RCOR1: variants seen among roughly 807,000 people sequenced by gnomAD.
RCOR1 encodes REST corepressor.
Under a neutral mutation model 64.0 loss-of-function variants are expected in RCOR1, and 12 were observed. The observed-to-expected ratio is 0.19, with a 90% CI of 0.12 to 0.30. The LOEUF is 0.30. RCOR1 is among the 10% of genes least tolerant of loss of function. RCOR1 has a pLI of 1.00. For synonymous variants in RCOR1, 279 were observed against 227.2 expected (o/e 1.23, Z -2.05); for missense variants, 502 against 621.2 (o/e 0.81, Z 2.04).
intron 2 of RCOR1, among the ~76,000 whole-genome samples, chr14:102,630,728 C>T (rs1243975644): frequency 1.3e-5 from 2 of 152,176 alleles, no homozygotes; most frequent in African/African-American, 4.8e-5. Context: ...TATTTCCCAG[C>T]TCCACTCACC....
At chr14:102,602,389 C>CTTTTTTTTTTTTTTTTTTTTTTTTTTTTT (rs1893420943) in intron 2 of RCOR1, among the ~76,000 whole-genome samples, 1 of 109,688 alleles carries the variant, frequency 9.1e-6, no homozygotes, top group Admixed American at 1.1e-4. Context: ...CTTTTCTTTT[C>CTTTTTTTTTTTTTTTTTTTTTTTTTTTTT]TTTTCTTTTT....
intron 2 of RCOR1, among the ~76,000 whole-genome samples, chr14:102,639,065 A>G (rs1032639409): frequency 1.3e-5 from 2 of 152,190 alleles, no homozygotes; most frequent in Admixed American, 6.5e-5. Flanking sequence ...CCATGGGAAC[A>G]TAAGTAGGAT....
chr14:102,677,083 C>T (rs1388322786), intron 2 of RCOR1, among the ~76,000 whole-genome samples: 1 of 128,302 alleles, frequency 7.8e-6, no homozygotes, highest in Non-Finnish European at 1.7e-5. Flanking sequence ...CAGAGGGGCT[C>T]CTCACTTCCC....
intron 4 of RCOR1, among the ~76,000 whole-genome samples, chr14:102,706,779 G>T (rs900738048): frequency 1.3e-5 from 2 of 151,650 alleles, no homozygotes; most frequent in Non-Finnish European, 2.9e-5. Flanking sequence ...TGCAGTGAGT[G>T]CCACTGCACT....
intron 2 of RCOR1, among the ~76,000 whole-genome samples, chr14:102,609,645 C>A (rs996507200): frequency 3.3e-5 from 5 of 150,988 alleles, no homozygotes; most frequent in Admixed American, 3.3e-4. Context: ...AGGGTTTCAC[C>A]GTGTTGGCCA....
intron 2 of RCOR1, among the ~76,000 whole-genome samples, chr14:102,671,984 G>T (rs750375179): frequency 1.6e-4 from 25 of 151,970 alleles, no homozygotes; most frequent in Non-Finnish European, 2.9e-4. Context: ...AGTGTTTCAA[G>T]TTTCATACTG....
intron 2 of RCOR1, among the ~76,000 whole-genome samples, chr14:102,618,356 G>A (rs113849784): frequency 2.6e-5 from 4 of 151,970 alleles, no homozygotes; most frequent in African/African-American, 9.7e-5. Flanking sequence ...TGTAATCCCA[G>A]CACTTAGGGA....
intron 2 of RCOR1, among the ~76,000 whole-genome samples, chr14:102,596,155 G>A (rs1447427819): frequency 1.3e-5 from 2 of 151,414 alleles, no homozygotes; most frequent in African/African-American, 4.9e-5. Flanking sequence ...ACGCTGGAGT[G>A]CAATGGCGTG....
At chr14:102,633,000 G>A (rs889492312) in intron 2 of RCOR1, among the ~76,000 whole-genome samples, 8 of 151,216 alleles carry the variant, frequency 5.3e-5, no homozygotes, top group South Asian at 2.1e-4. Context: ...TACAGATGGG[G>A]GTCTCACTGT....
intron 2 of RCOR1, among the ~76,000 whole-genome samples, chr14:102,610,079 G>A (rs1893594520): frequency 6.6e-6 from 1 of 151,158 alleles, no homozygotes; most frequent in Non-Finnish European, 1.5e-5. Context: ...GCAGTGAGCC[G>A]AGATTGCGCC....
At chr14:102,682,480 C>T (rs544003032) in intron 3 of RCOR1, among the ~76,000 whole-genome samples, 84 of 152,292 alleles carry the variant, frequency 5.5e-4, no homozygotes, top group African/African-American at 1.8e-3. Flanking sequence ...TAAAAATCTG[C>T]CTCCCTGTAA....
intron 2 of RCOR1, among the ~76,000 whole-genome samples, chr14:102,600,962 G>A (rs1428111835): frequency 1.3e-5 from 2 of 151,522 alleles, no homozygotes; most frequent in Non-Finnish European, 2.9e-5. Flanking sequence ...GGCCGAGGCA[G>A]GCGGATCACT....
chr14:102,685,967 G>C (rs1895409870), intron 3 of RCOR1, among the ~76,000 whole-genome samples: 1 of 151,856 alleles, frequency 6.6e-6, no homozygotes, highest in Admixed American at 6.6e-5. Context: ...GAATAATTTT[G>C]AATGTTCCTA....
At chr14:102,661,474 T>C (rs1894822350) in intron 2 of RCOR1, among the ~76,000 whole-genome samples, 1 of 152,238 alleles carries the variant, frequency 6.6e-6, no homozygotes, top group South Asian at 2.1e-4. Context: ...AACTACAGTA[T>C]GTCTATTCTC....
At chr14:102,642,141 C>T (rs1190336) in intron 2 of RCOR1, among the ~76,000 whole-genome samples, 95,131 of 151,932 alleles carry the variant, frequency 0.63, 30,873 homozygotes, top group South Asian at 0.72. Context: ...TCCCTTTACT[C>T]CTCGTGCCCC....
intron 2 of RCOR1, among the ~76,000 whole-genome samples, chr14:102,639,476 CTAAT>C (rs1445383644): frequency 6.7e-6 from 1 of 149,094 alleles, no homozygotes; most frequent in African/African-American, 2.4e-5. Flanking sequence ...GCATGTCTGG[CTAAT>C]TAATTTATTT....
At chr14:102,650,386 ATGGGTGGGTGGG>A (rs571574186) in intron 2 of RCOR1, among the ~76,000 whole-genome samples, 1 of 23,424 alleles carries the variant, frequency 4.3e-5, no homozygotes, top group Non-Finnish European at 9.1e-5. Flanking sequence ...AAATGGATGG[ATGGGTGGGTGGG>A]TGGGTGGGTG....
Position 102,653,959 on chromosome 14 carries a change from C to T in RCOR1, c.362-27936C>T, listed in dbSNP as rs867697382. On this transcript the variant is annotated intron_variant, in intron 2 of 11. Coordinates refer to ENST00000262241, the MANE Select transcript of RCOR1 (RefSeq NM_015156.4). Reference sequence around the variant, plus strand: ...TCTTTCTTTCTTTCTTTCTTTCTTTCTTTCTTTCTTTCTTTCTTTCTTTCT... The same window carrying T: ...TCTTTCTTTCTTTCTTTCTTTCTTTTTTTCTTTCTTTCTTTCTTTCTTTCT... Among the ~76,000 whole-genome samples, 69 of 49,874 alleles carry T rather than the reference C, an allele frequency of 1.4e-3. 1 individual carries two copies. The highest frequency in any genetic ancestry group is 7.7e-3 in the African/African-American group (46 of 5,992). 32.7% of individuals were successfully genotyped at this position (49,874 alleles called of 152,430 possible).
chr14:102,693,664 C>CT (rs1895585074), intron 3 of RCOR1, among the ~76,000 whole-genome samples: 1 of 152,160 alleles, frequency 6.6e-6, no homozygotes, highest in Non-Finnish European at 1.5e-5. Context: ...CCCAGCCTTC[C>CT]TATAACACAG....
Sources: allele counts gnomAD v4.1 joint callset (sites outside exome capture counted in the v4.1 genomes callset), GRCh38; gene constraint gnomAD v4.1.1; transcripts MANE v1.5; gene names NCBI Gene and HGNC (gene_info 2026-07-23, HGNC 2026-07-21).